NEO1: variants seen among roughly 807,000 people sequenced by gnomAD.
NEO1 encodes neogenin.
Under a neutral mutation model 159.7 loss-of-function variants are expected in NEO1, and 63 were observed. That is an observed-to-expected ratio of 0.39 (90% CI 0.32 to 0.49). NEO1 has a LOEUF of 0.49. Among genes scored for constraint, NEO1 ranks in the 20% least tolerant of loss-of-function variants. The probability of loss-of-function intolerance (pLI) is 0.85; values close to 1 mark genes in which losing one functional copy is unlikely to be tolerated. For missense variants in NEO1, 1,615 were observed against 1,831.0 expected, an observed-to-expected ratio of 0.88 and a Z score of 2.15; for synonymous variants, 633 against 662.0, an observed-to-expected ratio of 0.96 and a Z score of 0.67.
At chr15:73,068,535 C>T (rs907641820) in intron 1 of NEO1, among the ~76,000 whole-genome samples, 1 of 152,082 alleles carries the variant, frequency 6.6e-6, no homozygotes, top group African/African-American at 2.4e-5. Context: ...CATCTCTAAT[C>T]CTCAACATGA....
rs147053245 is a variant in NEO1, at chr15:73,108,872, A to G, written c.131-7668A>G. On this transcript the variant is annotated intron_variant, in intron 1 of 28. Coordinates refer to ENST00000261908, the MANE Select transcript of NEO1 (RefSeq NM_002499.4). ...ACATGCGGAGGCCCCAGCGTGAGAA[A>G]GGACATGGCTTGTTCAAGAGACTGA... Among the ~76,000 whole-genome samples the G allele has an allele frequency of 1.8e-3, 271 of 152,284 alleles. 1 individual carries two copies. Among genetic ancestry groups the G allele is most frequent in the African/African-American group, 6.4e-3 (264 of 41,566 alleles).
At chr15:73,070,166 C>G (rs1008044916) in intron 1 of NEO1, among the ~76,000 whole-genome samples, 2 of 152,198 alleles carry the variant, frequency 1.3e-5, no homozygotes, top group Admixed American at 6.5e-5. Flanking sequence ...ACCTTTCAGA[C>G]TAATGCTTTG....
chr15:73,052,712 A>AC lies in NEO1; in HGVS notation c.42dup (p.Ser15LeufsTer52). ...GCGGGGAGCCCGGCGACTCCTCAGC[A>AC]CCCCCTCCTTCTGGCTCTACTGCCT... On this transcript the variant is annotated frameshift_variant, in exon 1 of 29. Coordinates refer to ENST00000261908, the MANE Select transcript of NEO1 (RefSeq NM_002499.4). LOFTEE classifies it high-confidence loss of function. 7.4e-7 allele frequency: 1 copy of AC among 1,354,364 alleles called. No individual in the cohort carries two copies. The allele number at this position is 1,354,364 out of a possible 1,614,324, so 83.9% of individuals were successfully genotyped here.
In NEO1 at chr15:73,120,472, A is replaced by G. The variant is rs57752613; in HGVS notation, c.449-2053A>G. Among the ~76,000 whole-genome samples, 187 of 151,790 alleles carry G rather than the reference A, an allele frequency of 1.2e-3. 3 individuals are homozygous for G. In the East Asian group the frequency reaches 0.033, roughly 27 times the overall value. Reference sequence around the variant, plus strand: ...TTTATGTTTGGACTAATTCACCATCATAAAACTAGAAAACCTGTAATCATT... The same window carrying G: ...TTTATGTTTGGACTAATTCACCATCGTAAAACTAGAAAACCTGTAATCATT... On this transcript the variant is annotated intron_variant, in intron 2 of 28. Transcript: ENST00000261908.
chr15:73,179,987 T>C (rs746847804), intron 7 of NEO1, among the ~76,000 whole-genome samples: 1 of 152,168 alleles, frequency 6.6e-6, no homozygotes, highest in Non-Finnish European at 1.5e-5. Context: ...TATTTTCTTA[T>C]ACTAAATTAC....
intron 1 of NEO1, among the ~76,000 whole-genome samples, chr15:73,079,354 G>A (rs2068930513): frequency 6.6e-6 from 1 of 152,056 alleles, no homozygotes; most frequent in African/African-American, 2.4e-5. Flanking sequence ...CTCGCTAATG[G>A]CCAAAATTAC....
In NEO1 at chr15:73,305,114, A is replaced by G. The variant is rs2042739809; in HGVS notation, c.*2418A>G. On this transcript the variant is annotated 3_prime_UTR_variant, in exon 29 of 29. Coordinates refer to ENST00000261908, the MANE Select transcript of NEO1 (RefSeq NM_002499.4). ...TACACACTTGTTTGGCCTTTTCTGTAGTTGATGCTGTAAACTCTATGGCTT... is the reference window on the plus strand; with the variant it reads ...TACACACTTGTTTGGCCTTTTCTGTGGTTGATGCTGTAAACTCTATGGCTT... 6.6e-6 allele frequency: 1 copy of G among 151,980 alleles called. No homozygotes were observed. The highest frequency in any genetic ancestry group is 2.4e-5 in the African/African-American group (1 of 41,368). 9.4% of individuals were successfully genotyped at this position (151,980 alleles called of 1,614,324 possible).
chr15:73,260,216 G>A (rs1425903380), intron 14 of NEO1, 55 bp from the exon 15 acceptor site: 2 of 1,521,264 alleles, frequency 1.3e-6, no homozygotes, highest in Non-Finnish European at 1.8e-6. Context: ...CAAGGATGGT[G>A]AGATATTTTA....
intron 8 of NEO1, 132 bp from the exon 9 acceptor site, chr15:73,244,212 C>A: frequency 1.0e-6 from 1 of 1,000,274 alleles, no homozygotes; most frequent in Non-Finnish European, 1.4e-6. Context: ...CTGTCCTACC[C>A]CCAAAAGCTT....
chr15:73,177,288 T>C (rs2035334245), intron 6 of NEO1, among the ~76,000 whole-genome samples: 1 of 152,188 alleles, frequency 6.6e-6, no homozygotes, highest in African/African-American at 2.4e-5. Context: ...CCTTGAGATC[T>C]ATACATGACA....
intron 25 of NEO1, among the ~76,000 whole-genome samples, chr15:73,289,519 A>G (rs1007282942): frequency 2.0e-5 from 3 of 152,202 alleles, no homozygotes; most frequent in African/African-American, 7.2e-5. Flanking sequence ...AGTGCATCAT[A>G]TCTCTATGGG....
intron 5 of NEO1, among the ~76,000 whole-genome samples, chr15:73,158,201 TGA>T (rs2033916472): frequency 7.6e-6 from 1 of 132,442 alleles, no homozygotes; most frequent in South Asian, 2.5e-4. Context: ...GGAGAAAGAG[TGA>T]GACTCTTTTT....
intron 26 of NEO1, among the ~76,000 whole-genome samples, chr15:73,294,729 AG>A (rs1426662469): frequency 1.3e-5 from 2 of 151,982 alleles, no homozygotes; most frequent in Non-Finnish European, 2.9e-5. Context: ...TAGTAGAGAC[AG>A]GGTTTCCCCA....
At chr15:73,256,361 G>A (rs998864631) in intron 13 of NEO1, among the ~76,000 whole-genome samples, 9 of 152,160 alleles carry the variant, frequency 5.9e-5, no homozygotes, top group African/African-American at 2.2e-4. Flanking sequence ...TTAGCTGGGT[G>A]TGGTGGCACC....
chr15:73,293,598 C>G, intron 26 of NEO1, 50 bp downstream of exon 26: 2 of 1,565,048 alleles, frequency 1.3e-6, no homozygotes, highest in Admixed American at 3.6e-5. Context: ...AAAGAGTCGG[C>G]AAGCAGAAAT....
intron 1 of NEO1, among the ~76,000 whole-genome samples, chr15:73,109,327 CT>C (rs2070848666): frequency 6.6e-6 from 1 of 152,054 alleles, no homozygotes; most frequent in African/African-American, 2.4e-5. Flanking sequence ...CAGAAATTTC[CT>C]TGAAAGGAGG....
intron 1 of NEO1, among the ~76,000 whole-genome samples, chr15:73,068,457 G>A (rs1022409365): frequency 1.3e-5 from 2 of 151,926 alleles, no homozygotes; most frequent in African/African-American, 4.8e-5. Flanking sequence ...AGTCATCCAC[G>A]TGCCTTGGCC....
In NEO1 at chr15:73,098,994, G is replaced by A. The variant is rs181788391; in HGVS notation, c.131-17546G>A. 2.0e-5 allele frequency among the ~76,000 whole-genome samples: 3 copies of A among 152,180 alleles called. No homozygotes were observed. The East Asian group carries it at 5.8e-4, about 29-fold the overall frequency. ...TGCATTTCTTTTATTATGAAGTTGA[G>A]CATCTTTTTAAATGATTAAGGGCCA... On this transcript the variant is annotated intron_variant, in intron 1 of 28. Transcript: ENST00000261908.
chr15:73,257,132 C>CAAAAAA (rs10623334), intron 13 of NEO1, among the ~76,000 whole-genome samples: 15,343 of 54,018 alleles, frequency 0.28, 4,701 homozygotes, highest in Non-Finnish European at 0.41. Context: ...ACTCTGTCTC[C>CAAAAAA]AAAAAAAAAA....
Sources: gnomAD v4.1 joint callset for allele counts (sites outside exome capture counted in the v4.1 genomes callset) on GRCh38, gnomAD v4.1.1 for gene constraint, MANE v1.5 for transcripts, NCBI Gene and HGNC (gene_info 2026-07-23, HGNC 2026-07-21) for gene names.